Variants in MAP2K6 observed in about 807,000 individuals in gnomAD.
MAP2K6 encodes dual specificity mitogen-activated protein kinase kinase 6.
MAP2K6 carries 16 observed loss-of-function variants against 53.7 expected under a neutral mutation model. The ratio of observed to expected loss-of-function variants is 0.30; its 90% confidence interval spans 0.20 to 0.45. MAP2K6 has a LOEUF of 0.45. Ranked by LOEUF, MAP2K6 falls within the 20% of genes least tolerant of loss-of-function variation. The probability of loss-of-function intolerance (pLI) is 1.00; values close to 1 mark genes in which losing one functional copy is unlikely to be tolerated. For synonymous variants in MAP2K6, 132 were observed against 143.1 expected (o/e 0.92, Z 0.55); for missense variants, 204 against 411.9 (o/e 0.50, Z 4.37).
At chr17:69,505,711 C>T (rs753348779) in intron 1 of MAP2K6, 69 bp from the exon 2 acceptor site, 133 of 1,254,802 alleles carry the variant, frequency 1.1e-4, no homozygotes, top group Middle Eastern at 9.2e-4. Flanking sequence ...TTTCCTTTGC[C>T]GCAGTCTCTT....
intron 1 of MAP2K6, among the ~76,000 whole-genome samples, chr17:69,481,153 CCCT>C (rs971670025): frequency 6.6e-6 from 1 of 152,000 alleles, no homozygotes; most frequent in Non-Finnish European, 1.5e-5. Context: ...AGTTTTTTCC[CCCT>C]CCTCCAGCCC....
chr17:69,501,699 C>A (rs1248613134), intron 1 of MAP2K6: 2 of 152,124 alleles, frequency 1.3e-5, no homozygotes. Flanking sequence ...CGAGGCTTAC[C>A]CTTTGCAGAC....
chr17:69,516,613 A>G (rs1376779497), intron 2 of MAP2K6, among the ~76,000 whole-genome samples: 2 of 152,200 alleles, frequency 1.3e-5, no homozygotes, highest in African/African-American at 4.8e-5. Flanking sequence ...CTGCTTCACA[A>G]TATAGGTATA....
chr17:69,527,031 C>T (rs1910811725), intron 10 of MAP2K6, among the ~76,000 whole-genome samples: 1 of 152,122 alleles, frequency 6.6e-6, no homozygotes, highest in Non-Finnish European at 1.5e-5. Context: ...AAATCTGGAG[C>T]TGCGATCACG....
chr17:69,541,475 GAA>G (rs1178192325), intron 11 of MAP2K6, among the ~76,000 whole-genome samples, 199 bp from the exon 12 acceptor site: 2 of 152,032 alleles, frequency 1.3e-5, no homozygotes, highest in Non-Finnish European at 2.9e-5. Flanking sequence ...TATCAAGATG[GAA>G]AGAGTGACAA....
chr17:69,540,797 A>G (rs1420232995), intron 11 of MAP2K6, among the ~76,000 whole-genome samples: 1 of 152,168 alleles, frequency 6.6e-6, no homozygotes, highest in Non-Finnish European at 1.5e-5. Flanking sequence ...TTTCAGATGG[A>G]TCAACTCTTC....
chr17:69,447,346 T>A (rs1907001671), intron 1 of MAP2K6, among the ~76,000 whole-genome samples: 2 of 151,972 alleles, frequency 1.3e-5, no homozygotes, highest in African/African-American at 4.8e-5. Flanking sequence ...ATTTTTTTAA[T>A]GTCATTTTTA....
chr17:69,506,240 C>T (rs1306899321), intron 2 of MAP2K6, among the ~76,000 whole-genome samples: 1 of 152,082 alleles, frequency 6.6e-6, no homozygotes, highest in African/African-American at 2.4e-5. Flanking sequence ...GGTGAGGACC[C>T]ACATCCTGAC....
chr17:69,546,118 T>G lies in MAP2K6; in HGVS notation c.*4365T>G, dbSNP rs1035216803. 1 of 152,160 alleles carries G rather than the reference T, an allele frequency of 6.6e-6. No homozygotes were observed. Among genetic ancestry groups the G allele is most frequent in the Non-Finnish European group, 1.5e-5 (1 of 68,036 alleles). The allele number at this position is 152,160 out of a possible 1,614,324, so 9.4% of individuals were successfully genotyped here. ...GTACATAATTTGGGGACCACAGATA[T>G]CTATTATGCCAATGTTTGCACTGTC... On this transcript the variant is annotated 3_prime_UTR_variant, in exon 12 of 12. Coordinates refer to ENST00000590474, the MANE Select transcript of MAP2K6 (RefSeq NM_002758.4).
chr17:69,491,493 C>T (rs1330450299), intron 1 of MAP2K6, among the ~76,000 whole-genome samples: 4 of 152,042 alleles, frequency 2.6e-5, no homozygotes, highest in African/African-American at 4.8e-5. Context: ...ATTGATTCCA[C>T]GTCTCTGCTA....
chr17:69,516,855 A>G lies in MAP2K6; in HGVS notation c.84A>G (p.Thr28=). ...TTCTTTTCCCCCTTATCTTTCTTAG[A>G]CCACCTCGAGATTTAGACTCCAAGG... The part of the protein sequence containing the change: ...EAFEQPQTSS[T]PPRDLDSKAC... The change falls in exon 3 of 12, where the codon ACA becomes ACG. Residue 28 remains threonine (T), a splice_region_variant and synonymous_variant. Coordinates refer to ENST00000590474, the MANE Select transcript of MAP2K6 (RefSeq NM_002758.4). 2 of 1,592,720 alleles carry G rather than the reference A, an allele frequency of 1.3e-6. No homozygotes were observed. Among genetic ancestry groups the G allele is most frequent in the African/African-American group, 1.3e-5 (1 of 74,474 alleles).
intron 3 of MAP2K6, 98 bp downstream of exon 3, chr17:69,517,001 T>A: frequency 1.0e-6 from 1 of 962,910 alleles, no homozygotes; most frequent in Non-Finnish European, 1.6e-6. Context: ...TGTCAGGGGA[T>A]GAGTCAAAAA....
In MAP2K6 at chr17:69,486,552, G is replaced by A. The variant is rs1053731595; in HGVS notation, c.17-19228G>A. Among the ~76,000 whole-genome samples the A allele has an allele frequency of 3.3e-5, 5 of 152,184 alleles. No homozygotes were observed. In the East Asian group the frequency reaches 5.8e-4, roughly 18 times the overall value. On this transcript the variant is annotated intron_variant, in intron 1 of 11. Transcript: ENST00000590474. ...GTTGAGAATATCATTGGGATAAGGT[G>A]AGCAGGGAATCCATTAAGGGACTAA... is the stretch of plus-strand genomic sequence containing the variant.
Position 69,536,982 on chromosome 17 carries a change from C to T in MAP2K6, c.927+822C>T, listed in dbSNP as rs577387866. On this transcript the variant is annotated intron_variant, in intron 11 of 11. Transcript: ENST00000590474. Reference sequence around the variant, plus strand: ...CTGTAGCCCCAGCTACTCAGGAAGCCGAGGTGGCAGGATCACTTGAGCCCA... The same window carrying T: ...CTGTAGCCCCAGCTACTCAGGAAGCTGAGGTGGCAGGATCACTTGAGCCCA... Among the ~76,000 whole-genome samples, 20 of 152,110 alleles carry T rather than the reference C, an allele frequency of 1.3e-4. No individual in the cohort carries two copies. The South Asian group carries it at 2.7e-3, about 21-fold the overall frequency.
chr17:69,444,976 G>T (rs909504037), intron 1 of MAP2K6, among the ~76,000 whole-genome samples: 2 of 151,870 alleles, frequency 1.3e-5, no homozygotes, highest in Non-Finnish European at 2.9e-5. Context: ...GCTGGAGTGC[G>T]GTGGCACGAT....
chr17:69,541,202 G>T (rs1225307775), intron 11 of MAP2K6, among the ~76,000 whole-genome samples: 1 of 152,164 alleles, frequency 6.6e-6, no homozygotes, highest in Non-Finnish European at 1.5e-5. Flanking sequence ...GGCAGAGTTT[G>T]CAGTGAGCCA....
Position 69,548,516 on chromosome 17 carries a change from G to A in MAP2K6, c.*6763G>A, listed in dbSNP as rs940110684. The A allele has an allele frequency of 3.9e-5, 6 of 152,030 alleles. No individual in the cohort carries two copies. The highest frequency in any genetic ancestry group is 1.5e-4 in the African/African-American group (6 of 41,368). The allele number at this position is 152,030 out of a possible 1,614,324, so 9.4% of individuals were successfully genotyped here. A position where few individuals can be genotyped will look rare whatever the true frequency, so the allele number is the denominator to read the frequency against. On this transcript the variant is annotated 3_prime_UTR_variant, in exon 12 of 12. Transcript: ENST00000590474. The stretch of plus-strand genomic sequence containing the variant: ...ATTCAGAAATATTCTTTTTCCTGCT[G>A]CACCATTAGGCAAACATACATTATG...
intron 8 of MAP2K6, 52 bp downstream of exon 8, chr17:69,523,693 T>A (rs774716374): frequency 6.3e-7 from 1 of 1,598,746 alleles, no homozygotes; most frequent in Non-Finnish European, 8.6e-7. Context: ...CGACAAATCA[T>A]GCTGGGAAAC....
chr17:69,481,880 G>C (rs1181234249), intron 1 of MAP2K6, among the ~76,000 whole-genome samples: 1 of 152,168 alleles, frequency 6.6e-6, no homozygotes. Context: ...TTTGGCCCAT[G>C]ATACCCCACT....
Sources: allele counts gnomAD v4.1 joint callset (sites outside exome capture counted in the v4.1 genomes callset), GRCh38; gene constraint gnomAD v4.1.1; transcripts MANE v1.5; gene names NCBI Gene and HGNC (gene_info 2026-07-23, HGNC 2026-07-21).